The following KCNH7 variants were observed in gnomAD, a reference collection of about 807,000 sequenced individuals.
KCNH7 encodes the protein voltage-gated inwardly rectifying potassium channel KCNH7.
In KCNH7, 49 loss-of-function variants were observed where a neutral mutation model predicts 120.8. That is an observed-to-expected ratio of 0.41 (90% CI 0.32 to 0.51). KCNH7 has a LOEUF of 0.51. Ranked by LOEUF, KCNH7 falls within the 20% of genes least tolerant of loss-of-function variation. The pLI, the probability that KCNH7 is intolerant of heterozygous loss-of-function variation, is 0.38. For synonymous variants in KCNH7, 547 were observed against 516.1 expected, an observed-to-expected ratio of 1.06 and a Z score of -0.81; for missense variants, 1,097 against 1,446.6, an observed-to-expected ratio of 0.76 and a Z score of 3.92.
At chr2:162,825,325 CAT>C (rs2105602528) in intron 2 of KCNH7, among the ~76,000 whole-genome samples, 1 of 151,788 alleles carries the variant, frequency 6.6e-6, no homozygotes, top group African/African-American at 2.4e-5. Context: ...ATATTTTCTA[CAT>C]GTGTTTTTCA....
At chr2:162,464,279 T>C (rs1051812481) in intron 6 of KCNH7, among the ~76,000 whole-genome samples, 1 of 152,034 alleles carries the variant, frequency 6.6e-6, no homozygotes, top group African/African-American at 2.4e-5. Flanking sequence ...TGATTCTAAA[T>C]GGTCCTGAAT....
At chr2:162,647,557 G>A (rs538193710) in intron 2 of KCNH7, among the ~76,000 whole-genome samples, 134 of 152,224 alleles carry the variant, frequency 8.8e-4, no homozygotes, top group African/African-American at 3.0e-3. Flanking sequence ...ATTGAATCGC[G>A]AAGGTGGTTT....
intron 2 of KCNH7, among the ~76,000 whole-genome samples, chr2:162,637,238 T>C (rs1683992442): frequency 6.6e-6 from 1 of 152,100 alleles, no homozygotes. Context: ...TTCCATATCA[T>C]TTAATCCTTC....
chr2:162,741,371 G>A (rs1688132165), intron 2 of KCNH7, among the ~76,000 whole-genome samples: 1 of 150,338 alleles, frequency 6.7e-6, no homozygotes, highest in Non-Finnish European at 1.5e-5. Context: ...CTATTTTCAT[G>A]TTAAATTAAA....
At chr2:162,478,486 C>T (rs1689820474) in intron 6 of KCNH7, among the ~76,000 whole-genome samples, 1 of 152,090 alleles carries the variant, frequency 6.6e-6, no homozygotes, top group Admixed American at 6.5e-5. Flanking sequence ...ACAATATTTA[C>T]TCTGTGATTC....
chr2:162,387,796 G>A (rs779780137), intron 12 of KCNH7, among the ~76,000 whole-genome samples: 39 of 151,704 alleles, frequency 2.6e-4, no homozygotes, highest in African/African-American at 8.0e-4. Context: ...CTAATGGAAC[G>A]ACTGACCCAT....
intron 2 of KCNH7, among the ~76,000 whole-genome samples, chr2:162,643,002 A>G (rs1483091531): frequency 2.6e-5 from 4 of 152,228 alleles, no homozygotes; most frequent in Non-Finnish European, 5.9e-5. Context: ...AGAATATTTT[A>G]TGGAGTGCAA....
At chr2:162,701,579 G>A (rs576627250) in intron 2 of KCNH7, among the ~76,000 whole-genome samples, 14 of 152,194 alleles carry the variant, frequency 9.2e-5, no homozygotes, top group African/African-American at 3.1e-4. Context: ...GGGAGCAGTG[G>A]GGCATATAAC....
intron 9 of KCNH7, among the ~76,000 whole-genome samples, chr2:162,404,334 T>C (rs1687146680): frequency 6.6e-6 from 1 of 151,982 alleles, no homozygotes; most frequent in African/African-American, 2.4e-5. Flanking sequence ...TCAGTTTCAC[T>C]GTCTGCAGCT....
chr2:162,772,362 T>C (rs1181255746), intron 2 of KCNH7, among the ~76,000 whole-genome samples: 1 of 152,208 alleles, frequency 6.6e-6, no homozygotes, highest in Admixed American at 6.5e-5. Context: ...AATGTATCCC[T>C]ATTTATTTGT....
At chr2:162,689,302 C>G (rs1281882495) in intron 2 of KCNH7, among the ~76,000 whole-genome samples, 1 of 152,094 alleles carries the variant, frequency 6.6e-6, no homozygotes, top group Non-Finnish European at 1.5e-5. Flanking sequence ...AGGCATCCAC[C>G]ACCATGCCTG....
intron 6 of KCNH7, chr2:162,501,949 G>A (rs1319683956): frequency 1.3e-5 from 2 of 152,004 alleles, no homozygotes; most frequent in African/African-American, 4.8e-5. Context: ...GGCTTTTAAA[G>A]ATAAAGTGTG....
intron 9 of KCNH7, among the ~76,000 whole-genome samples, chr2:162,410,024 C>T (rs1160827203): frequency 1.3e-5 from 2 of 151,968 alleles, no homozygotes; most frequent in Admixed American, 1.3e-4. Context: ...TGTACAGATT[C>T]AATGCCATTC....
intron 2 of KCNH7, among the ~76,000 whole-genome samples, chr2:162,596,706 G>A (rs987753255): frequency 6.6e-6 from 1 of 151,944 alleles, no homozygotes; most frequent in South Asian, 2.1e-4. Context: ...AGACAAATGA[G>A]ATTACATCCA....
chr2:162,537,195 T>C, intron 2 of KCNH7, 115 bp from the exon 3 acceptor site: 2 of 708,262 alleles, frequency 2.8e-6, no homozygotes, highest in South Asian at 3.2e-5. Context: ...TGATCACTGA[T>C]ATTAAAAAAT....
chr2:162,466,904 A>G (rs1019787289), intron 6 of KCNH7, among the ~76,000 whole-genome samples: 1 of 152,008 alleles, frequency 6.6e-6, no homozygotes, highest in Admixed American at 6.6e-5. Flanking sequence ...TAAAAGAGAA[A>G]GACTCACTTA....
intron 6 of KCNH7, among the ~76,000 whole-genome samples, chr2:162,470,231 T>C (rs1284943985): frequency 2.0e-5 from 3 of 149,254 alleles, no homozygotes; most frequent in Admixed American, 6.6e-5. Flanking sequence ...GGAGCCTCTC[T>C]GCCCGGCCGC....
At chr2:162,514,072 T>A (rs1159532527) in intron 4 of KCNH7, among the ~76,000 whole-genome samples, 3 of 151,828 alleles carry the variant, frequency 2.0e-5, no homozygotes, top group Non-Finnish European at 1.5e-5. Context: ...GAAAAATCTG[T>A]TCAGCATTTT....
At chr2:162,430,204 G>A (rs1688018723) in intron 8 of KCNH7, among the ~76,000 whole-genome samples, 1 of 151,932 alleles carries the variant, frequency 6.6e-6, no homozygotes, top group South Asian at 2.1e-4. Flanking sequence ...TACCCTGGAT[G>A]TTAATAAGGG....
Sources: gnomAD v4.1 joint callset for allele counts (sites outside exome capture counted in the v4.1 genomes callset) on GRCh38, gnomAD v4.1.1 for gene constraint, MANE v1.5 for transcripts, NCBI Gene and HGNC (gene_info 2026-07-23, HGNC 2026-07-21) for gene names.